The following CPVL variants were observed in gnomAD, a reference collection of about 807,000 sequenced individuals.
CPVL encodes the protein carboxypeptidase vitellogenic like.
A neutral mutation model predicts 63.7 loss-of-function variants in CPVL; 51 were observed. That is an observed-to-expected ratio of 0.80 (90% confidence interval 0.64 to 1.01). The LOEUF (loss-of-function observed/expected upper bound fraction) is 1.01. Ranked by LOEUF, CPVL falls within the 50% of genes least tolerant of loss-of-function variation. The probability of loss-of-function intolerance (pLI) is 0.00; values close to 1 mark genes in which losing one functional copy is unlikely to be tolerated. For missense variants in CPVL, 530 were observed against 573.1 expected, an observed-to-expected ratio of 0.92 and a Z score of 0.77; for synonymous variants, 195 against 206.0, an observed-to-expected ratio of 0.95 and a Z score of 0.46.
At chr7:29,023,997 A>T (rs545650299) in intron 12 of CPVL, among the ~76,000 whole-genome samples, 3 of 152,222 alleles carry the variant, frequency 2.0e-5, no homozygotes, top group Non-Finnish European at 4.4e-5. Context: ...TTCAATGAAA[A>T]ATAAATCTAT....
chr7:29,146,818 C>A (rs73090825), upstream of CPVL: 1 of 1,550,420 alleles, frequency 6.4e-7, no homozygotes. Flanking sequence ...AAATTTCAAC[C>A]CTGTATTTTG....
chr7:29,139,940 T>C (rs911625617), intron 1 of CPVL, among the ~76,000 whole-genome samples: 4 of 152,380 alleles, frequency 2.6e-5, no homozygotes, highest in Admixed American at 6.5e-5. Context: ...GAATTAGCTA[T>C]GGCTGCCATT....
chr7:29,126,711 A>C (rs578177863), intron 1 of CPVL: 1 of 152,366 alleles, frequency 6.6e-6, no homozygotes, highest in African/African-American at 2.4e-5. Flanking sequence ...CAAAGGATAC[A>C]TATCTTTCAT....
intron 1 of CPVL, among the ~76,000 whole-genome samples, chr7:29,190,459 G>A (rs1483914441): frequency 6.6e-6 from 1 of 152,196 alleles, no homozygotes; most frequent in Non-Finnish European, 1.5e-5. Context: ...TGCTATGACA[G>A]CCACGTTCAC....
At chr7:29,138,686 C>T (rs1407285648) in intron 1 of CPVL, among the ~76,000 whole-genome samples, 1 of 151,976 alleles carries the variant, frequency 6.6e-6, no homozygotes, top group African/African-American at 2.4e-5. Context: ...TTCTATATAC[C>T]CAAGGCCACT....
At chr7:29,074,561 C>A (rs1042723259) in intron 7 of CPVL, among the ~76,000 whole-genome samples, 8 of 151,716 alleles carry the variant, frequency 5.3e-5, no homozygotes, top group Admixed American at 1.3e-4. Flanking sequence ...CCTCTGTGTC[C>A]CCAACCAAAT....
intron 11 of CPVL, among the ~76,000 whole-genome samples, chr7:29,056,682 T>G (rs1377423684): frequency 6.6e-6 from 1 of 152,202 alleles, no homozygotes; most frequent in African/African-American, 2.4e-5. Context: ...TACAGTTCAT[T>G]TGGGTAAATA....
chr7:29,163,318 T>C lies in CPVL; in HGVS notation c.-11+17972A>G, dbSNP rs186359624. On this transcript the variant is annotated intron_variant, in intron 5 of 16. Transcript: ENST00000409850. ...TAAAATACTTCGCTTATAGTTTTTA[T>C]ATTGATTAAAATACTCTATATTGAA... Among the ~76,000 whole-genome samples the C allele has an allele frequency of 1.7e-3, 264 of 152,228 alleles. 1 individual carries two copies. The highest frequency in any genetic ancestry group is 6.1e-3 in the African/African-American group (253 of 41,574).
At chr7:29,122,942 A>G (rs960146522) in intron 1 of CPVL, among the ~76,000 whole-genome samples, 1 of 152,144 alleles carries the variant, frequency 6.6e-6, no homozygotes, top group African/African-American at 2.4e-5. Context: ...TGACAAGCAC[A>G]CCAGGGCCGT....
chr7:29,061,082 A>G (rs961777388), intron 11 of CPVL, among the ~76,000 whole-genome samples: 1 of 151,840 alleles, frequency 6.6e-6, no homozygotes, highest in African/African-American at 2.4e-5. Flanking sequence ...ATACCACTAA[A>G]CTCTTTTCTT....
intron 5 of CPVL, among the ~76,000 whole-genome samples, chr7:29,171,871 T>TA (rs1352717499): frequency 6.6e-5 from 10 of 152,236 alleles, no homozygotes; most frequent in Non-Finnish European, 1.2e-4. Flanking sequence ...ATATAGTTCT[T>TA]ACAAATGGAC....
At chr7:29,035,475 A>C (rs2128158555) in intron 11 of CPVL, among the ~76,000 whole-genome samples, 1 of 152,326 alleles carries the variant, frequency 6.6e-6, no homozygotes, top group Admixed American at 6.5e-5. Context: ...TTCAGAAACA[A>C]TCTTGCTCTG....
rs555443117 is a variant in CPVL at position 29,004,896 on chromosome 7, C to CTTTTTTT, written c.1321-9015_1321-9014insAAAAAAA. 1.3e-4 allele frequency among the ~76,000 whole-genome samples: 19 copies of CTTTTTTT among 144,846 alleles called. 2 individuals are homozygous for CTTTTTTT. The highest frequency in any genetic ancestry group is 2.3e-4 in the African/African-American group (9 of 39,134). ...TACAAATATGTCTTTTTTTTCTTTTCTTTTCTTTTTTTTTTTTTGAGACAG... is the reference window on the plus strand; with the variant it reads ...TACAAATATGTCTTTTTTTTCTTTTCTTTTTTTTTTTCTTTTTTTTTTTTTGAGACAG... On this transcript the variant is annotated intron_variant, in intron 12 of 12. Coordinates refer to ENST00000265394, the MANE Select transcript of CPVL (RefSeq NM_031311.5).
chr7:29,067,987 C>G (rs972598022), intron 9 of CPVL, among the ~76,000 whole-genome samples: 2 of 151,712 alleles, frequency 1.3e-5, no homozygotes, highest in Admixed American at 1.3e-4. Flanking sequence ...AGAAAATAGA[C>G]TAATTATTAT....
intron 3 of CPVL, among the ~76,000 whole-genome samples, chr7:29,108,713 A>G (rs982665556): frequency 1.3e-5 from 2 of 152,222 alleles, no homozygotes; most frequent in Non-Finnish European, 2.9e-5. Context: ...CTTCTGTCTC[A>G]AAACCATTGC....
At chr7:29,079,685 C>A (rs138390236) in intron 7 of CPVL, among the ~76,000 whole-genome samples, 1 of 152,332 alleles carries the variant, frequency 6.6e-6, no homozygotes, top group African/African-American at 2.4e-5. Context: ...CAAGCCCAGG[C>A]TAACAGGATG....
intron 2 of CPVL, 66 bp downstream of exon 2, chr7:29,120,827 A>AG: frequency 7.7e-7 from 1 of 1,291,992 alleles, no homozygotes; most frequent in East Asian, 2.6e-5. Context: ...TCAAAAAAAA[A>AG]AAAAAAAAAA....
intron 12 of CPVL, among the ~76,000 whole-genome samples, chr7:29,005,439 G>A (rs1282953583): frequency 1.3e-5 from 2 of 152,104 alleles, no homozygotes; most frequent in Non-Finnish European, 2.9e-5. Flanking sequence ...AGGCTTCTTT[G>A]ATTTCCCTTT....
chr7:29,128,361 C>G (rs1409917220), intron 1 of CPVL, among the ~76,000 whole-genome samples: 1 of 152,142 alleles, frequency 6.6e-6, no homozygotes, highest in Non-Finnish European at 1.5e-5. Context: ...CCAGGGACAG[C>G]TATCTCATTC....
Sources: gnomAD v4.1 joint callset for allele counts (sites outside exome capture counted in the v4.1 genomes callset) on GRCh38, gnomAD v4.1.1 for gene constraint, MANE v1.5 for transcripts, NCBI Gene and HGNC (gene_info 2026-07-23, HGNC 2026-07-21) for gene names.